The following MAPKAP1 variants were observed in gnomAD, a reference collection of about 807,000 sequenced individuals.
MAPKAP1 encodes target of rapamycin complex 2 subunit MAPKAP1.
A neutral mutation model predicts 65.7 loss-of-function variants in MAPKAP1; 20 were observed. That is an observed-to-expected ratio of 0.30 (90% CI 0.21 to 0.44). The LOEUF (loss-of-function observed/expected upper bound fraction) is 0.44. MAPKAP1 is among the 20% of genes least tolerant of loss of function. The pLI is 1.00. For missense variants in MAPKAP1, 423 were observed against 648.0 expected (o/e 0.65, Z 3.77); for synonymous variants, 222 against 244.3 (o/e 0.91, Z 0.85).
In MAPKAP1 at chr9:125,530,372, T is replaced by C. The variant is rs181221399; in HGVS notation, c.958+12687A>G. Among the ~76,000 whole-genome samples the C allele has an allele frequency of 2.3e-4, 35 of 152,322 alleles. No homozygotes were observed. In the East Asian group the frequency reaches 6.2e-3, roughly 27 times the overall value. ...TATAGAATCATTTTCATTTTCAAAATCACATGGATATTTAAGTATACTTCC... is the reference window on the plus strand; with the variant it reads ...TATAGAATCATTTTCATTTTCAAAACCACATGGATATTTAAGTATACTTCC... On this transcript the variant is annotated intron_variant, in intron 7 of 11. Coordinates refer to ENST00000265960, the MANE Select transcript of MAPKAP1 (RefSeq NM_001006617.3).
chr9:125,532,721 T>G (rs1256152233), intron 7 of MAPKAP1, among the ~76,000 whole-genome samples: 1 of 152,230 alleles, frequency 6.6e-6, no homozygotes, highest in African/African-American at 2.4e-5. Context: ...CTGCTGTTCA[T>G]AATGCTGCCA....
At chr9:125,658,724 C>T (rs1318776272) in intron 3 of MAPKAP1, among the ~76,000 whole-genome samples, 6 of 152,224 alleles carry the variant, frequency 3.9e-5, no homozygotes, top group Admixed American at 3.9e-4. Context: ...AGTTCCGTAA[C>T]TTTTCAAAGA....
intron 9 of MAPKAP1, among the ~76,000 whole-genome samples, chr9:125,482,428 G>A (rs1312052668): frequency 6.6e-6 from 1 of 152,016 alleles, no homozygotes; most frequent in Non-Finnish European, 1.5e-5. Flanking sequence ...TTTGAGAACT[G>A]GCTTCTTTTT....
Position 125,543,132 on chromosome 9 carries a change from G to C in MAPKAP1, c.885C>G (p.Asp295Glu), listed in dbSNP as rs745839576. ...AAHGFSLIQV[D>E]NTKVTMKEIL... is the part of the protein sequence containing the mutation. ...TTTCCTTCATGGTAACCTTTGTGTT[G>C]TCCACCTGAATAAGGGAGAATCCAT... Residue 295 changes from aspartate to glutamate, a missense_variant, in exon 7 of 12, where the codon GAC becomes GAG. Physicochemically the swap from Asp to Glu is conservative, Grantham distance 45. This residue lies in a region of MAPKAP1 where 98 missense variants were observed against 200.5 expected (regional missense o/e 0.49). Coordinates refer to ENST00000265960, the MANE Select transcript of MAPKAP1 (RefSeq NM_001006617.3). 1 of 1,613,530 alleles carries C rather than the reference G, an allele frequency of 6.2e-7. No individual in the cohort carries two copies. The highest frequency in any genetic ancestry group is 1.3e-5 in the African/African-American group (1 of 74,892).
intron 6 of MAPKAP1, among the ~76,000 whole-genome samples, chr9:125,551,254 C>T (rs1443452920): frequency 6.6e-6 from 1 of 152,094 alleles, no homozygotes; most frequent in African/African-American, 2.4e-5. Context: ...GCTAATGACA[C>T]CCTTTAATAA....
In MAPKAP1 at chr9:125,447,575, G is replaced by C. The variant is rs989244778; in HGVS notation, c.1346-2977C>G. On this transcript the variant is annotated intron_variant, in intron 10 of 11. Transcript: ENST00000265960. The surrounding 1 kb of genome is among the most constrained non-coding windows in gnomAD (Gnocchi z 4.5). ...CACTCCGCGGGCGTTTCTGCCCCGA[G>C]TTCCCCTCGCTAGCAGCCCTGTTTC... The C allele has an allele frequency of 1.4e-5, 6 of 439,360 alleles. No individual in the cohort carries two copies. The highest frequency in any genetic ancestry group is 1.0e-4 in the African/African-American group (5 of 49,458). The allele number at this position is 439,360 out of a possible 1,614,324, so 27.2% of individuals were successfully genotyped here.
chr9:125,537,422 G>A (rs917937496), intron 7 of MAPKAP1, among the ~76,000 whole-genome samples: 5 of 152,126 alleles, frequency 3.3e-5, no homozygotes, highest in African/African-American at 1.2e-4. Context: ...CTCCCATGTC[G>A]TTGGAAGGGG....
At chr9:125,616,837 T>C (rs1832760254) in intron 4 of MAPKAP1, among the ~76,000 whole-genome samples, 1 of 152,220 alleles carries the variant, frequency 6.6e-6, no homozygotes, top group Non-Finnish European at 1.5e-5. Context: ...TAACAAAGTT[T>C]TCAAACCATG....
intron 6 of MAPKAP1, among the ~76,000 whole-genome samples, chr9:125,554,055 C>T (rs1830663484): frequency 6.6e-6 from 1 of 151,988 alleles, no homozygotes; most frequent in Non-Finnish European, 1.5e-5. Flanking sequence ...AGTTTGCCAA[C>T]CCTAGGATAA....
At chr9:125,494,862 T>C (rs1341521704) in intron 8 of MAPKAP1, among the ~76,000 whole-genome samples, 1 of 152,194 alleles carries the variant, frequency 6.6e-6, no homozygotes, top group Non-Finnish European at 1.5e-5. Context: ...TTCACAGCAC[T>C]GATCACAATT....
intron 4 of MAPKAP1, among the ~76,000 whole-genome samples, chr9:125,597,380 A>C (rs569812827): frequency 4.5e-4 from 68 of 151,298 alleles, no homozygotes; most frequent in African/African-American, 1.5e-3. Context: ...TTGAGGCTGC[A>C]GTGAGCTATG....
intron 1 of MAPKAP1, among the ~76,000 whole-genome samples, chr9:125,691,337 G>A (rs1027100226): frequency 3.9e-5 from 6 of 152,126 alleles, no homozygotes; most frequent in African/African-American, 1.4e-4. Flanking sequence ...TAAGAAGGGG[G>A]AAGTTTATGG....
At chr9:125,629,705 T>TACTACCATATTGAACACTTAAC (rs1833220235) in intron 4 of MAPKAP1, among the ~76,000 whole-genome samples, 1 of 152,236 alleles carries the variant, frequency 6.6e-6, no homozygotes, top group Non-Finnish European at 1.5e-5. Flanking sequence ...TACATATAGT[T>TACTACCATATTGAACACTTAAC]ACTACCATAT....
chr9:125,506,464 G>A (rs767346949), intron 7 of MAPKAP1, 47 bp from the exon 8 acceptor site: 17 of 1,464,150 alleles, frequency 1.2e-5, no homozygotes, highest in African/African-American at 1.4e-5. Flanking sequence ...CTGAAACAGC[G>A]AATTTAACAT....
intron 4 of MAPKAP1, chr9:125,596,045 G>A (rs1189402776): frequency 2.6e-5 from 35 of 1,371,694 alleles, no homozygotes; most frequent in Middle Eastern, 2.5e-4. Flanking sequence ...ATTTTGAACA[G>A]CGTGGAAAAA....
At chr9:125,591,264 G>T (rs945016920) in intron 4 of MAPKAP1, among the ~76,000 whole-genome samples, 2 of 152,154 alleles carry the variant, frequency 1.3e-5, no homozygotes, top group East Asian at 3.8e-4. Flanking sequence ...TACTCTTCAA[G>T]GCTTGAAAAT....
At chr9:125,454,252 A>G (rs1853075995) in intron 10 of MAPKAP1, among the ~76,000 whole-genome samples, 1 of 152,256 alleles carries the variant, frequency 6.6e-6, no homozygotes, top group South Asian at 2.1e-4. Context: ...ACTGCATTTC[A>G]ATAACCAAGT....
chr9:125,577,774 C>A (rs1831485114), intron 5 of MAPKAP1, among the ~76,000 whole-genome samples: 1 of 145,908 alleles, frequency 6.9e-6, no homozygotes, highest in Non-Finnish European at 1.5e-5. Flanking sequence ...AGGAGCCCCT[C>A]TGCCGGGCCA....
chr9:125,677,564 T>C (rs1020165331), intron 1 of MAPKAP1, among the ~76,000 whole-genome samples: 7 of 152,008 alleles, frequency 4.6e-5, no homozygotes, highest in Non-Finnish European at 7.4e-5. Flanking sequence ...GGCGTGGTGG[T>C]GCGTACCTAT....
Sources: allele counts gnomAD v4.1 joint callset (sites outside exome capture counted in the v4.1 genomes callset), GRCh38; gene constraint gnomAD v4.1.1; regional missense constraint gnomAD v4.1.1; non-coding constraint Gnocchi (gnomAD v3.1); transcripts MANE v1.5; gene names NCBI Gene and HGNC (gene_info 2026-07-23, HGNC 2026-07-21).